Variants in LMBR1 observed in about 807,000 individuals in gnomAD.
The protein encoded by LMBR1 is limb region 1 protein homolog.
A neutral mutation model predicts 73.9 loss-of-function variants in LMBR1; 52 were observed. The ratio of observed to expected loss-of-function variants is 0.70; its 90% CI spans 0.56 to 0.89. The LOEUF is 0.89. Among genes scored for constraint, LMBR1 ranks in the 40% least tolerant of loss-of-function variants. The pLI, the probability that LMBR1 is intolerant of heterozygous loss-of-function variation, is 0.00. For missense variants in LMBR1, 539 were observed against 579.8 expected (o/e 0.93, Z 0.72); for synonymous variants, 215 against 209.4 (o/e 1.03, Z -0.23).
At chr7:156,793,669 C>G (rs1340645650) in intron 5 of LMBR1, among the ~76,000 whole-genome samples, 1 of 151,992 alleles carries the variant, frequency 6.6e-6, no homozygotes, top group Non-Finnish European at 1.5e-5. Flanking sequence ...AATAAGTATT[C>G]TAGAAAACTT....
chr7:156,891,350 T>C (rs1802952894), intron 1 of LMBR1, among the ~76,000 whole-genome samples: 1 of 140,384 alleles, frequency 7.1e-6, no homozygotes. Context: ...AAATGAAAAA[T>C]AAATTGTGCT....
Position 156,734,250 on chromosome 7 carries a change from A to G in LMBR1, c.765T>C (p.Ser255=). Residue 255 remains serine, a synonymous_variant, in exon 10 of 17, where the codon TCT becomes TCC. Coordinates refer to ENST00000353442, the MANE Select transcript of LMBR1 (RefSeq NM_022458.4). ...EALQRRLNGL[S]SSVEYNIMEL... The stretch of plus-strand genomic sequence containing the variant: ...CCATTATGTTGTATTCCACCGATGA[A>G]GACAGCCCTGTTCAAAGCAAAAAAT... The G allele has an allele frequency of 6.2e-7, 1 of 1,607,390 alleles. No homozygotes were observed. Among genetic ancestry groups the G allele is most frequent in the Non-Finnish European group, 8.5e-7 (1 of 1,177,652 alleles).
chr7:156,845,438 A>C lies in LMBR1; in HGVS notation c.67-8553T>G, dbSNP rs537787741. 1.1e-4 allele frequency among the ~76,000 whole-genome samples: 17 copies of C among 152,254 alleles called. No homozygotes were observed. The South Asian group carries it at 3.3e-3, about 30-fold the overall frequency. ...TAAAATAGAAAAATCCAGACTATGT[A>C]GTAAAAGACAGGAAGACAAAAATAG... On this transcript the variant is annotated intron_variant, in intron 1 of 16. Transcript: ENST00000353442.
intron 2 of LMBR1, 43 bp downstream of exon 2, chr7:156,836,770 G>GTGGC (rs755766150): frequency 6.3e-6 from 8 of 1,262,398 alleles, no homozygotes; most frequent in Non-Finnish European, 9.0e-6. Flanking sequence ...CCTAGACCAT[G>GTGGC]TGGCATTCTA....
intron 1 of LMBR1, among the ~76,000 whole-genome samples, chr7:156,866,962 C>G (rs1253247391): frequency 6.6e-6 from 1 of 152,142 alleles, no homozygotes; most frequent in Non-Finnish European, 1.5e-5. Flanking sequence ...AAGCGTGAGA[C>G]CTTCGTCATG....
At position 156,709,896 on chromosome 7, in the gene LMBR1, A is replaced by ATTTTTTTTTTTTTTTTTTTTTT. The variant is rs34487923; in HGVS notation, c.1225+14194_1225+14215dup. On this transcript the variant is annotated intron_variant, in intron 15 of 16. Coordinates refer to ENST00000353442, the MANE Select transcript of LMBR1 (RefSeq NM_022458.4). ...GCCAGTTAAAGAATTCAGAAGGTTGATTTTTTTTTTTTTTTTTTTTTTTTT... is the reference window on the plus strand; with the variant it reads ...GCCAGTTAAAGAATTCAGAAGGTTGATTTTTTTTTTTTTTTTTTTTTTTTTTTTTTTTTTTTTTTTTTTTTTT... Among the ~76,000 whole-genome samples the ATTTTTTTTTTTTTTTTTTTTTT allele has an allele frequency of 3.3e-5, 3 of 90,356 alleles. 1 individual carries two copies. Among genetic ancestry groups the ATTTTTTTTTTTTTTTTTTTTTT allele is most frequent in the African/African-American group, 1.4e-4 (3 of 20,910 alleles). The allele number at this position is 90,356 out of a possible 152,430, so 59.3% of individuals were successfully genotyped here.
chr7:156,693,222 T>G (rs1807591303), intron 15 of LMBR1, among the ~76,000 whole-genome samples: 1 of 151,600 alleles, frequency 6.6e-6, no homozygotes. Flanking sequence ...ATGATGAAAA[T>G]TAACCAAAGA....
chr7:156,731,244 A>G (rs975920931), intron 10 of LMBR1, among the ~76,000 whole-genome samples: 1 of 152,208 alleles, frequency 6.6e-6, no homozygotes, highest in Non-Finnish European at 1.5e-5. Flanking sequence ...CTGAAGCATG[A>G]AGATAAAAAG....
chr7:156,875,431 T>C (rs1349734959), intron 1 of LMBR1, among the ~76,000 whole-genome samples: 4 of 152,224 alleles, frequency 2.6e-5, no homozygotes, highest in Non-Finnish European at 5.9e-5. Flanking sequence ...CGGGCCTTGC[T>C]AGAGACCTAG....
chr7:156,874,055 G>C (rs906807914), intron 1 of LMBR1, among the ~76,000 whole-genome samples: 2 of 152,264 alleles, frequency 1.3e-5, no homozygotes, highest in Non-Finnish European at 1.5e-5. Context: ...TGGAGCAGGG[G>C]GTGGTGCTCG....
chr7:156,758,156 C>T (rs998057610), intron 8 of LMBR1, among the ~76,000 whole-genome samples: 7 of 152,088 alleles, frequency 4.6e-5, no homozygotes, highest in South Asian at 2.1e-4. Context: ...GAGTGGTACA[C>T]GGAGAGGATC....
intron 5 of LMBR1, among the ~76,000 whole-genome samples, chr7:156,768,552 A>G (rs1304540079): frequency 6.6e-6 from 1 of 152,196 alleles, no homozygotes; most frequent in African/African-American, 2.4e-5. Context: ...CAAAGGTCAG[A>G]GAGCCCAGCC....
At chr7:156,722,139 A>G (rs1469855712) in intron 15 of LMBR1, among the ~76,000 whole-genome samples, 1 of 152,136 alleles carries the variant, frequency 6.6e-6, no homozygotes, top group Non-Finnish European at 1.5e-5. Flanking sequence ...TTTTCTTGTT[A>G]CTGCATTTCT....
chr7:156,725,332 A>C (rs949342731), intron 14 of LMBR1, 103 bp downstream of exon 14: 6 of 680,730 alleles, frequency 8.8e-6, no homozygotes, highest in Non-Finnish European at 1.5e-5. Flanking sequence ...CTTACAAACA[A>C]ATACCTATCA....
chr7:156,855,108 G>A (rs1222782809), intron 1 of LMBR1, among the ~76,000 whole-genome samples: 1 of 152,172 alleles, frequency 6.6e-6, no homozygotes, highest in Non-Finnish European at 1.5e-5. Flanking sequence ...ATATGACAGA[G>A]ATTTGGGGAT....
At chr7:156,777,311 TG>T (rs1826334389) in intron 5 of LMBR1, among the ~76,000 whole-genome samples, 1 of 152,198 alleles carries the variant, frequency 6.6e-6, no homozygotes, top group African/African-American at 2.4e-5. Flanking sequence ...CAACTACAAT[TG>T]ACTTTCCTCT....
intron 1 of LMBR1, among the ~76,000 whole-genome samples, chr7:156,854,586 T>C (rs1796687595): frequency 6.6e-6 from 1 of 152,160 alleles, no homozygotes; most frequent in Non-Finnish European, 1.5e-5. Flanking sequence ...GCTTAACCTA[T>C]TTGAATTTTA....
chr7:156,873,553 G>A (rs1225217997), intron 1 of LMBR1, among the ~76,000 whole-genome samples: 1 of 152,104 alleles, frequency 6.6e-6, no homozygotes, highest in Non-Finnish European at 1.5e-5. Context: ...AGAGCCCAGT[G>A]GCCTGTTTTG....
At chr7:156,810,069 T>TAA (rs34994902) in intron 4 of LMBR1, among the ~76,000 whole-genome samples, 2 of 148,536 alleles carry the variant, frequency 1.3e-5, no homozygotes, top group Non-Finnish European at 3.0e-5. Context: ...GGTAATTTAT[T>TAA]AAAAAAAAAA....
Sources: allele counts gnomAD v4.1 joint callset (sites outside exome capture counted in the v4.1 genomes callset), GRCh38; gene constraint gnomAD v4.1.1; transcripts MANE v1.5; gene names NCBI Gene and HGNC (gene_info 2026-07-23, HGNC 2026-07-21).